TSHZ2: variants seen among roughly 807,000 people sequenced by gnomAD.
TSHZ2 encodes teashirt zinc finger homeobox 2, also known as teashirt homolog 2.
TSHZ2 carries 21 observed loss-of-function variants against 74.4 expected under a neutral mutation model. The observed-to-expected ratio is 0.28, with a 90% CI of 0.20 to 0.41. The LOEUF is 0.41. TSHZ2 is among the 10% of genes least tolerant of loss of function. TSHZ2 has a pLI of 1.00. For synonymous variants in TSHZ2, 540 were observed against 515.3 expected (o/e 1.05, Z -0.65); for missense variants, 1,244 against 1,293.5 (o/e 0.96, Z 0.59).
At chr20:53,263,677 C>T (rs780114124) in intron 2 of TSHZ2, among the ~76,000 whole-genome samples, 2 of 152,156 alleles carry the variant, frequency 1.3e-5, no homozygotes, top group Non-Finnish European at 2.9e-5. Flanking sequence ...GCTGCTAGCT[C>T]GCAGCCCCTG....
At chr20:53,334,841 G>A (rs947735856) in intron 2 of TSHZ2, among the ~76,000 whole-genome samples, 10 of 152,024 alleles carry the variant, frequency 6.6e-5, no homozygotes, top group East Asian at 5.8e-4. Flanking sequence ...GCACCACCAC[G>A]CCTGGCTAAT....
chr20:53,417,802 A>G (rs1380498112), intron 2 of TSHZ2, among the ~76,000 whole-genome samples: 2 of 152,168 alleles, frequency 1.3e-5, no homozygotes, highest in Non-Finnish European at 2.9e-5. Context: ...GATGCTTGCC[A>G]TAATAATCCT....
At chr20:53,116,658 T>C (rs6097240) in intron 1 of TSHZ2, among the ~76,000 whole-genome samples, 32,970 of 152,120 alleles carry the variant, frequency 0.22, 6,986 homozygotes, top group African/African-American at 0.53. Context: ...GGCATGAACG[T>C]CACCTACCTC....
At chr20:53,107,265 G>A (rs752500529) in intron 1 of TSHZ2, among the ~76,000 whole-genome samples, 15 of 152,176 alleles carry the variant, frequency 9.9e-5, no homozygotes, top group Non-Finnish European at 1.8e-4. Flanking sequence ...GCTATCCTGA[G>A]CTTAATTTCT....
At chr20:53,357,123 G>C (rs16997979) in intron 2 of TSHZ2, among the ~76,000 whole-genome samples, 9,247 of 152,032 alleles carry the variant, frequency 0.061, 572 homozygotes, top group East Asian at 0.29. Context: ...CTCATTTTCC[G>C]CTAGTTTGCA....
At chr20:53,394,988 G>C (rs1009282138) in intron 2 of TSHZ2, among the ~76,000 whole-genome samples, 1 of 151,550 alleles carries the variant, frequency 6.6e-6, no homozygotes, top group Non-Finnish European at 1.5e-5. Flanking sequence ...CTCTTTCTTG[G>C]ATTTAAACAA....
At position 53,280,481 on chromosome 20, in the gene TSHZ2, G is replaced by T. The variant is rs186007206; in HGVS notation, c.*8+23910G>T. Among the ~76,000 whole-genome samples, 6 of 152,238 alleles carry T rather than the reference G, an allele frequency of 3.9e-5. No homozygotes were observed. The East Asian group carries it at 1.2e-3, about 29-fold the overall frequency. The stretch of plus-strand genomic sequence containing the variant: ...CTTGAGTATGAAATATGTTTCCATC[G>T]CATTAGGAGTAAGGATCCAAAATGA... On this transcript the variant is annotated intron_variant, in intron 2 of 2. Transcript: ENST00000371497.
At chr20:53,144,278 A>G (rs796360126) in intron 1 of TSHZ2, among the ~76,000 whole-genome samples, 9 of 152,328 alleles carry the variant, frequency 5.9e-5, no homozygotes, top group African/African-American at 2.2e-4. Context: ...AAGGCAGTCT[A>G]GTGCCCAGAC....
intron 1 of TSHZ2, among the ~76,000 whole-genome samples, chr20:53,067,228 C>G (rs1351009357): frequency 6.6e-6 from 1 of 152,148 alleles, no homozygotes; most frequent in Non-Finnish European, 1.5e-5. Context: ...AAGTGATCCT[C>G]CCCCTTGCCC....
intron 1 of TSHZ2, among the ~76,000 whole-genome samples, chr20:53,169,714 A>G (rs531046358): frequency 6.6e-6 from 1 of 152,338 alleles, no homozygotes; most frequent in East Asian, 1.9e-4. Context: ...TCCAGTTTAT[A>G]TCAGTTCTTC....
At chr20:53,388,878 C>T (rs898324239) in intron 2 of TSHZ2, among the ~76,000 whole-genome samples, 4 of 152,170 alleles carry the variant, frequency 2.6e-5, no homozygotes, top group South Asian at 2.1e-4. Context: ...CCACCACACC[C>T]GGCTGCCTCT....
chr20:53,017,472 T>A (rs1247287534), intron 1 of TSHZ2, among the ~76,000 whole-genome samples: 4 of 152,204 alleles, frequency 2.6e-5, no homozygotes, highest in Non-Finnish European at 1.5e-5. Context: ...TGTATCGTAA[T>A]GTGTATGTGA....
chr20:53,072,614 T>C (rs796914957), intron 1 of TSHZ2, among the ~76,000 whole-genome samples: 3 of 152,364 alleles, frequency 2.0e-5, no homozygotes, highest in African/African-American at 7.2e-5. Flanking sequence ...AAACTACTTA[T>C]AGATTTTAAT....
intron 1 of TSHZ2, among the ~76,000 whole-genome samples, chr20:53,135,668 A>G (rs1431985462): frequency 6.6e-6 from 1 of 152,116 alleles, no homozygotes; most frequent in Non-Finnish European, 1.5e-5. Context: ...TGGTGCAACC[A>G]TAGCTCACTG....
rs561877397 is a variant in TSHZ2 at position 53,159,679 on chromosome 20, A to T, written c.41-93820A>T. Reference sequence around the variant, plus strand: ...AAAAAAAAAAACAGGAAAACACTTAAGTGACCAAAGTCAATAAGTTTTCTA... The same window carrying T: ...AAAAAAAAAAACAGGAAAACACTTATGTGACCAAAGTCAATAAGTTTTCTA... On this transcript the variant is annotated intron_variant, in intron 1 of 2. Transcript: ENST00000371497. 2.0e-5 allele frequency among the ~76,000 whole-genome samples: 3 copies of T among 152,038 alleles called. No homozygotes were observed. In the South Asian group the frequency reaches 6.2e-4, roughly 32 times the overall value.
intron 1 of TSHZ2, among the ~76,000 whole-genome samples, chr20:53,020,015 G>A (rs964065395): frequency 6.6e-5 from 10 of 152,138 alleles, no homozygotes; most frequent in African/African-American, 1.7e-4. Context: ...AGCAAGGCAC[G>A]TCCTACATGG....
chr20:52,973,747 T>C (rs560846369), intron 1 of TSHZ2, among the ~76,000 whole-genome samples: 1 of 152,202 alleles, frequency 6.6e-6, no homozygotes, highest in South Asian at 2.1e-4. Context: ...CTCCTCTCAC[T>C]GGGGCTTGGG....
chr20:53,310,284 T>C (rs540630356), intron 2 of TSHZ2, among the ~76,000 whole-genome samples: 1 of 152,324 alleles, frequency 6.6e-6, no homozygotes, highest in South Asian at 2.1e-4. Context: ...CATTTACCTC[T>C]GTGGGCCTCA....
At chr20:53,352,232 CTTTTTTTTTTTTTT>C (rs142220716) in intron 2 of TSHZ2, among the ~76,000 whole-genome samples, 3 of 57,868 alleles carry the variant, frequency 5.2e-5, no homozygotes, top group African/African-American at 2.2e-4. Flanking sequence ...CTCCTAAGCT[CTTTTTTTTTTTTTT>C]TTTTTTTTTT....
Sources: allele counts gnomAD v4.1 joint callset (sites outside exome capture counted in the v4.1 genomes callset), GRCh38; gene constraint gnomAD v4.1.1; transcripts MANE v1.5; gene names NCBI Gene and HGNC (gene_info 2026-07-23, HGNC 2026-07-21).